Variants in GATAD2A observed in about 807,000 individuals in gnomAD.
GATAD2A encodes transcriptional repressor p66-alpha.
In GATAD2A, 12 loss-of-function variants were observed where a neutral mutation model predicts 68.5. The ratio of observed to expected loss-of-function variants is 0.18; its 90% CI spans 0.11 to 0.28. GATAD2A has a LOEUF of 0.28. Ranked by LOEUF, GATAD2A falls within the 10% of genes least tolerant of loss-of-function variation. GATAD2A has a pLI of 1.00. For missense variants in GATAD2A, 755 were observed against 868.5 expected, an observed-to-expected ratio of 0.87 and a Z score of 1.64; for synonymous variants, 410 against 375.3, an observed-to-expected ratio of 1.09 and a Z score of -1.07.
intron 1 of GATAD2A, among the ~76,000 whole-genome samples, chr19:19,423,429 G>C (rs2052674738): frequency 6.6e-6 from 1 of 152,268 alleles, no homozygotes; most frequent in Non-Finnish European, 1.5e-5. Context: ...TGTGATGGCT[G>C]TGGTGCGTCA....
At chr19:19,502,829 G>T (rs1288459767) in intron 11 of GATAD2A, among the ~76,000 whole-genome samples, 2 of 152,238 alleles carry the variant, frequency 1.3e-5, no homozygotes, top group Non-Finnish European at 2.9e-5. Context: ...GTGGACTCTT[G>T]TCAGCACACA....
intron 11 of GATAD2A, among the ~76,000 whole-genome samples, chr19:19,504,269 A>G (rs568027832): frequency 1.1e-4 from 17 of 152,198 alleles, no homozygotes; most frequent in Non-Finnish European, 2.1e-4. Flanking sequence ...GGGTGGGGGC[A>G]TTTATTTATT....
intron 2 of GATAD2A, among the ~76,000 whole-genome samples, chr19:19,492,064 G>T (rs751857): frequency 0.16 from 23,805 of 152,232 alleles, 1,974 homozygotes; most frequent in Middle Eastern, 0.28. Context: ...GCGACATGGC[G>T]GCAGGCATGA....
chr19:19,385,985 C>G (rs1483089316), exon 1 of GATAD2A: 1 of 150,002 alleles, frequency 6.7e-6, no homozygotes, highest in African/African-American at 2.4e-5. Flanking sequence ...GTCGGTCGGT[C>G]GGTCGTCTGT....
At chr19:19,432,404 C>T (rs1289729804) in intron 1 of GATAD2A, among the ~76,000 whole-genome samples, 2 of 152,128 alleles carry the variant, frequency 1.3e-5, no homozygotes, top group African/African-American at 2.4e-5. Context: ...CAGGTTCAAG[C>T]GATTCTCCTG....
At chr19:19,429,359 CG>C in intron 1 of GATAD2A, 1 of 362,984 alleles carries the variant, frequency 2.8e-6, no homozygotes, top group Non-Finnish European at 3.8e-6. Context: ...AGGTCTGGCA[CG>C]GGGAGTAGGC....
chr19:19,504,956 C>T (rs2060789656), intron 11 of GATAD2A, among the ~76,000 whole-genome samples: 1 of 152,148 alleles, frequency 6.6e-6, no homozygotes. Flanking sequence ...GATAGTTTTT[C>T]ATTGCTGCAT....
intron 1 of GATAD2A, among the ~76,000 whole-genome samples, chr19:19,447,013 C>T (rs1170368686): frequency 1.3e-5 from 2 of 152,228 alleles, no homozygotes; most frequent in Admixed American, 1.3e-4. Context: ...ATTGCTTCTT[C>T]TGTGCAAAGC....
intron 2 of GATAD2A, among the ~76,000 whole-genome samples, chr19:19,484,518 C>CTTTTTTTTTTTTT (rs58628123): frequency 5.2e-5 from 6 of 114,462 alleles, no homozygotes; most frequent in African/African-American, 6.7e-5. Context: ...TTTTCTTTTT[C>CTTTTTTTTTTTTT]TTTTTTTTTT....
intron 1 of GATAD2A, among the ~76,000 whole-genome samples, chr19:19,406,418 G>T (rs2050264539): frequency 6.6e-6 from 1 of 151,510 alleles, no homozygotes. Flanking sequence ...AGGGGCGGGG[G>T]TCCGGGGCGG....
intron 1 of GATAD2A, among the ~76,000 whole-genome samples, chr19:19,439,456 A>G (rs1034294024): frequency 6.6e-6 from 1 of 152,180 alleles, no homozygotes; most frequent in Non-Finnish European, 1.5e-5. Flanking sequence ...TGGCAAGCAC[A>G]TGGAGTAGAC....
chr19:19,452,860 G>C (rs1186025862), intron 1 of GATAD2A, among the ~76,000 whole-genome samples: 1 of 152,190 alleles, frequency 6.6e-6, no homozygotes, highest in Admixed American at 6.5e-5. Flanking sequence ...CATTAGCTGG[G>C]AGAGGTCACA....
chr19:19,496,303 T>A, intron 7 of GATAD2A, 84 bp downstream of exon 7: 1 of 1,271,930 alleles, frequency 7.9e-7, no homozygotes, highest in Non-Finnish European at 1.1e-6. Flanking sequence ...TGGGGCACAG[T>A]AGTGTTTCCC....
At chr19:19,485,245 C>T (rs1221247367) in intron 2 of GATAD2A, among the ~76,000 whole-genome samples, 1 of 152,196 alleles carries the variant, frequency 6.6e-6, no homozygotes, top group Non-Finnish European at 1.5e-5. Flanking sequence ...GGTTAGCTCC[C>T]CAGGGGCCAG....
chr19:19,498,646 G>C lies in GATAD2A; in HGVS notation c.1128G>C (p.Leu376=), dbSNP rs142219412. The C allele has an allele frequency of 8.1e-6, 13 of 1,613,880 alleles. No homozygotes were observed. The highest frequency in any genetic ancestry group is 1.0e-5 in the Non-Finnish European group (12 of 1,179,966). The change falls in exon 8 of 12, where the codon CTG becomes CTC. Residue 376 remains leucine, a synonymous_variant. Coordinates refer to ENST00000683918, the MANE Select transcript of GATAD2A (RefSeq NM_001384528.1). Reference sequence around the variant, plus strand: ...CCCCAGCCCCAGAGATGAACTTCCTGCCCAGCGCCGCCAACAACGAGTTCA... The same window carrying C: ...CCCCAGCCCCAGAGATGAACTTCCTCCCCAGCGCCGCCAACAACGAGTTCA... ...PKPPAPEMNF[L]PSAANNEFIY... is the part of the protein sequence containing the mutation.
chr19:19,438,230 A>T (rs1317177947), intron 1 of GATAD2A, among the ~76,000 whole-genome samples: 2 of 152,238 alleles, frequency 1.3e-5, no homozygotes, highest in African/African-American at 4.8e-5. Context: ...ACAAAGCCAC[A>T]TGGCTCTCAT....
At chr19:19,435,214 A>G in intron 1 of GATAD2A, 2 of 479,644 alleles carry the variant, frequency 4.2e-6, no homozygotes, top group South Asian at 3.0e-5. Context: ...GTACCTATTA[A>G]ATGCTAGGTT....
intron 1 of GATAD2A, among the ~76,000 whole-genome samples, chr19:19,399,544 C>T (rs976200743): frequency 2.6e-5 from 4 of 152,186 alleles, no homozygotes; most frequent in African/African-American, 9.7e-5. Flanking sequence ...TTTAACCTCT[C>T]AAATTGTCTC....
upstream of GATAD2A, among the ~76,000 whole-genome samples, chr19:19,405,620 T>G (rs1288005966): frequency 6.6e-6 from 1 of 151,374 alleles, no homozygotes; most frequent in Non-Finnish European, 1.5e-5. Context: ...CTTCTACGCC[T>G]GGAACCCCGC....
Sources: allele counts gnomAD v4.1 joint callset (sites outside exome capture counted in the v4.1 genomes callset), GRCh38; gene constraint gnomAD v4.1.1; transcripts MANE v1.5; gene names NCBI Gene and HGNC (gene_info 2026-07-23, HGNC 2026-07-21).